SLC4A5: variants seen among roughly 807,000 people sequenced by gnomAD.
SLC4A5 encodes the protein electrogenic sodium bicarbonate cotransporter 4.
A neutral mutation model predicts 120.4 loss-of-function variants in SLC4A5; 96 were observed. The observed-to-expected ratio is 0.80, with a 90% confidence interval of 0.68 to 0.94. SLC4A5 has a LOEUF of 0.94. Ranked by LOEUF, SLC4A5 falls within the 40% of genes least tolerant of loss-of-function variation. The probability of loss-of-function intolerance (pLI) is 0.00; values close to 1 mark genes in which losing one functional copy is unlikely to be tolerated. For missense variants in SLC4A5, 1,259 were observed against 1,459.5 expected (o/e 0.86, Z 2.24); for synonymous variants, 550 against 571.1 (o/e 0.96, Z 0.53).
At chr2:74,261,855 C>A (rs969799968) in intron 11 of SLC4A5, among the ~76,000 whole-genome samples, 17 of 152,164 alleles carry the variant, frequency 1.1e-4, no homozygotes, top group African/African-American at 3.4e-4. Context: ...GATGAAGGTA[C>A]AGACTAAGAT....
chr2:74,315,022 A>G (rs761630207), exon 6 of SLC4A5: 2 of 1,613,258 alleles, frequency 1.2e-6, no homozygotes, highest in South Asian at 1.1e-5. Flanking sequence ...CTTCACCTTC[A>G]TGACTATAAA....
chr2:74,337,690 A>T (rs1276251540), intron 3 of SLC4A5, among the ~76,000 whole-genome samples: 1 of 152,236 alleles, frequency 6.6e-6, no homozygotes, highest in Non-Finnish European at 1.5e-5. Context: ...AGGGCTCAGC[A>T]CATATTATTG....
intron 6 of SLC4A5, among the ~76,000 whole-genome samples, chr2:74,309,553 A>G (rs1169206303): frequency 3.3e-5 from 5 of 152,166 alleles, no homozygotes; most frequent in Admixed American, 3.3e-4. Flanking sequence ...TCAGCATCCA[A>G]AAAAATAACT....
intron 16 of SLC4A5, 38 bp from the exon 17 acceptor site, chr2:74,250,555 T>C (rs772790781): frequency 6.8e-6 from 11 of 1,611,476 alleles, no homozygotes; most frequent in Non-Finnish European, 9.3e-6. Context: ...TTCTCACCAC[T>C]AACACCAGTG....
At chr2:74,258,635 T>C (rs1671042045) in intron 12 of SLC4A5, among the ~76,000 whole-genome samples, 1 of 152,158 alleles carries the variant, frequency 6.6e-6, no homozygotes, top group Admixed American at 6.5e-5. Context: ...TGTATAGACT[T>C]TGGTGTGTTA....
At chr2:74,280,416 C>A (rs1671776165) in intron 8 of SLC4A5, among the ~76,000 whole-genome samples, 1 of 152,212 alleles carries the variant, frequency 6.6e-6, no homozygotes, top group South Asian at 2.1e-4. Flanking sequence ...AGACTGAGAG[C>A]CCAAGAGAGC....
At chr2:74,330,757 G>A (rs1319268150) in intron 4 of SLC4A5, among the ~76,000 whole-genome samples, 1 of 150,290 alleles carries the variant, frequency 6.7e-6, no homozygotes, top group African/African-American at 2.5e-5. Context: ...CTATATGGAG[G>A]TGCTGATGTC....
intron 8 of SLC4A5, among the ~76,000 whole-genome samples, chr2:74,266,208 C>T (rs1354501266): frequency 6.6e-6 from 1 of 152,108 alleles, no homozygotes; most frequent in Non-Finnish European, 1.5e-5. Flanking sequence ...TGATTCCAGG[C>T]CAGATATAGA....
intron 3 of SLC4A5, among the ~76,000 whole-genome samples, chr2:74,337,650 C>T (rs889242401): frequency 1.3e-5 from 2 of 152,086 alleles, no homozygotes; most frequent in African/African-American, 2.4e-5. Context: ...GCTTGGGCAG[C>T]GGACAAAGGC....
intron 2 of SLC4A5, among the ~76,000 whole-genome samples, chr2:74,340,255 T>C (rs1357284595): frequency 6.6e-6 from 1 of 152,242 alleles, no homozygotes; most frequent in Non-Finnish European, 1.5e-5. Flanking sequence ...TTTATCACTT[T>C]GATTGGAGCT....
chr2:74,305,306 T>C (rs1389867024), intron 6 of SLC4A5, among the ~76,000 whole-genome samples: 11 of 152,162 alleles, frequency 7.2e-5, no homozygotes, highest in Admixed American at 7.2e-4. Flanking sequence ...GATAGGACAT[T>C]GCTATCAGTT....
intron 18 of SLC4A5, among the ~76,000 whole-genome samples, chr2:74,248,057 G>C (rs1670672246): frequency 6.6e-6 from 1 of 152,176 alleles, no homozygotes; most frequent in Non-Finnish European, 1.5e-5. Context: ...TTCAGCCCAA[G>C]ACTTCATACA....
chr2:74,266,507 G>A (rs1283350482), intron 8 of SLC4A5, among the ~76,000 whole-genome samples: 1 of 152,138 alleles, frequency 6.6e-6, no homozygotes, highest in Non-Finnish European at 1.5e-5. Flanking sequence ...GGGCTTAAGT[G>A]ATCAGCCCAC....
intron 7 of SLC4A5, among the ~76,000 whole-genome samples, chr2:74,289,801 G>C (rs3771731): frequency 0.19 from 28,768 of 152,046 alleles, 5,421 homozygotes; most frequent in African/African-American, 0.46. Flanking sequence ...TTCTCCCTGG[G>C]ATCAGAAATC....
chr2:74,265,929 T>C (rs1265222058), intron 8 of SLC4A5, among the ~76,000 whole-genome samples: 1 of 152,150 alleles, frequency 6.6e-6, no homozygotes, highest in African/African-American at 2.4e-5. Context: ...AGGCCTCAGA[T>C]AGTGCCAGGG....
At chr2:74,304,243 C>T (rs965398924) in intron 7 of SLC4A5, among the ~76,000 whole-genome samples, 2 of 152,180 alleles carry the variant, frequency 1.3e-5, no homozygotes, top group Admixed American at 6.5e-5. Flanking sequence ...ATGAAATCAA[C>T]ATAGAATGGA....
chr2:74,216,751 G>C (rs998535677), exon 31 of SLC4A5: 13 of 152,216 alleles, frequency 8.5e-5, no homozygotes, highest in Non-Finnish European at 1.8e-4. Flanking sequence ...TGGGACTACA[G>C]GTGTGTGCCA....
chr2:74,223,041 A>G lies in SLC4A5; in HGVS notation c.3247-89T>C, dbSNP rs1328269922. The stretch of plus-strand genomic sequence containing the variant: ...TTTTTTTGAGACAGAGTCTCGCTCT[A>G]CTGCCCAGGCTGGAGTGCAGTGGTG... On this transcript the variant is annotated intron_variant, in intron 28 of 30. Coordinates refer to ENST00000394019, the Ensembl canonical transcript of SLC4A5. 4.3e-5 allele frequency: 37 copies of G among 855,118 alleles called. No individual in the cohort carries two copies. In the Admixed American group the frequency reaches 6.3e-4, roughly 15 times the overall value. 53.0% of individuals were successfully genotyped at this position (855,118 alleles called of 1,614,324 possible). A position where few individuals can be genotyped will look rare whatever the true frequency, so the allele number is the denominator to read the frequency against.
intron 4 of SLC4A5, among the ~76,000 whole-genome samples, chr2:74,329,310 C>T (rs1573109763): frequency 6.6e-6 from 1 of 151,150 alleles, no homozygotes; most frequent in Admixed American, 6.6e-5. Flanking sequence ...AGTAAATTGG[C>T]CGGGTGTGGT....
Sources: allele counts gnomAD v4.1 joint callset (sites outside exome capture counted in the v4.1 genomes callset), GRCh38; gene constraint gnomAD v4.1.1; transcripts MANE v1.5; gene names NCBI Gene and HGNC (gene_info 2026-07-23, HGNC 2026-07-21).